CADPS: variants seen among roughly 807,000 people sequenced by gnomAD.
CADPS encodes the protein calcium-dependent secretion activator 1.
In CADPS, 57 loss-of-function variants were observed where a neutral mutation model predicts 167.3. The ratio of observed to expected loss-of-function variants is 0.34; its 90% confidence interval spans 0.28 to 0.42. CADPS has a LOEUF of 0.42. CADPS is among the 20% of genes least tolerant of loss of function. The probability of loss-of-function intolerance (pLI) is 1.00; values close to 1 mark genes in which losing one functional copy is unlikely to be tolerated. For missense variants in CADPS, 1,414 were observed against 1,738.1 expected (o/e 0.81, Z 3.32); for synonymous variants, 676 against 635.3 (o/e 1.06, Z -0.96).
At chr3:62,402,715 A>G (rs1450855988) in intron 29 of CADPS, among the ~76,000 whole-genome samples, 2 of 152,258 alleles carry the variant, frequency 1.3e-5, no homozygotes, top group Admixed American at 6.5e-5. Flanking sequence ...AATAGCGGCA[A>G]CATTTTATTT....
Position 62,481,850 on chromosome 3 carries a change from G to A in CADPS, c.3046C>T (p.Pro1016Ser), listed in dbSNP as rs2150845944. 1.2e-6 allele frequency: 2 copies of A among 1,610,996 alleles called. No homozygotes were observed. The highest frequency in any genetic ancestry group is 1.3e-5 in the African/African-American group (1 of 74,920). The change falls in exon 22 of 30, where the codon CCC becomes TCC. Residue 1016 changes from proline (P) to serine (S), a missense_variant. Physicochemically the swap from Pro to Ser is moderately conservative, Grantham distance 74. Transcript: ENST00000383710. ...EPVKSLTSNLPNVNLPNVNLP... is the reference protein window; with the variant it reads ...EPVKSLTSNLSNVNLPNVNLP... ...TTCACATTGGGTAGGTTCACATTGG[G>A]TAGGTTACTGGTTAAACTCCTGTGG...
At chr3:62,854,096 A>T (rs1182837206) in intron 1 of CADPS, among the ~76,000 whole-genome samples, 1 of 152,204 alleles carries the variant, frequency 6.6e-6, no homozygotes, top group East Asian at 1.9e-4. Context: ...GCCATTAAAA[A>T]ATATATATTT....
intron 1 of CADPS, among the ~76,000 whole-genome samples, chr3:62,823,364 C>T (rs1423346442): frequency 6.6e-6 from 1 of 152,176 alleles, no homozygotes; most frequent in Admixed American, 6.6e-5. Flanking sequence ...ATGAAACAAT[C>T]AGACTTGTAT....
intron 24 of CADPS, chr3:62,466,676 T>C: frequency 2.1e-6 from 1 of 469,984 alleles, no homozygotes; most frequent in Middle Eastern, 5.9e-4. Context: ...TAAACACTTT[T>C]ACAAATAGCA....
At chr3:62,794,429 A>G (rs2093219163) in intron 1 of CADPS, among the ~76,000 whole-genome samples, 1 of 152,206 alleles carries the variant, frequency 6.6e-6, no homozygotes, top group African/African-American at 2.4e-5. Flanking sequence ...TATACAGATG[A>G]GGATATAAAT....
chr3:62,537,580 A>G (rs2074936588), intron 11 of CADPS, among the ~76,000 whole-genome samples: 1 of 152,312 alleles, frequency 6.6e-6, no homozygotes, highest in Admixed American at 6.5e-5. Flanking sequence ...AAATCTAGCA[A>G]AAGATTTTAT....
chr3:62,484,871 G>A (rs1308365317), intron 21 of CADPS, among the ~76,000 whole-genome samples: 3 of 152,158 alleles, frequency 2.0e-5, no homozygotes, highest in Non-Finnish European at 4.4e-5. Flanking sequence ...TTATGAATCA[G>A]TTGTTGCATG....
chr3:62,612,805 C>T (rs570299658), intron 6 of CADPS, among the ~76,000 whole-genome samples: 20 of 152,274 alleles, frequency 1.3e-4, no homozygotes, highest in African/African-American at 4.8e-4. Flanking sequence ...CTCCTTTGTT[C>T]CCATTTGTTG....
In CADPS at chr3:62,579,816, A is replaced by T. The variant is rs865011; in HGVS notation, c.1577+5369T>A. On this transcript the variant is annotated intron_variant, in intron 8 of 29. Coordinates refer to ENST00000383710, the MANE Select transcript of CADPS (RefSeq NM_003716.4). Reference sequence around the variant, plus strand: ...TGGCAGGATCTGACTTGTGTTTTTTAAAAAAAATTGCTTCACAGTAGGAAA... The same window carrying T: ...TGGCAGGATCTGACTTGTGTTTTTTTAAAAAAATTGCTTCACAGTAGGAAA... 1.8e-3 allele frequency among the ~76,000 whole-genome samples: 95 copies of T among 54,282 alleles called. 2 individuals are homozygous for T. Among genetic ancestry groups the T allele is most frequent in the African/African-American group, 0.012 (73 of 5,912 alleles). The allele number at this position is 54,282 out of a possible 152,430, so 35.6% of individuals were successfully genotyped here. A position where few individuals can be genotyped will look rare whatever the true frequency, so the allele number is the denominator to read the frequency against.
Position 62,576,788 on chromosome 3 carries a change from T to TAAAAAAAA in CADPS, c.1578-5858_1578-5851dup, listed in dbSNP as rs138055445. Among the ~76,000 whole-genome samples the TAAAAAAAA allele has an allele frequency of 9.4e-4, 28 of 29,862 alleles. 2 individuals are homozygous for TAAAAAAAA. The highest frequency in any genetic ancestry group is 2.6e-3 in the African/African-American group (21 of 8,204). The allele number at this position is 29,862 out of a possible 152,430, so 19.6% of individuals were successfully genotyped here. A position where few individuals can be genotyped will look rare whatever the true frequency, so the allele number is the denominator to read the frequency against. On this transcript the variant is annotated intron_variant, in intron 8 of 29. Coordinates refer to ENST00000383710, the MANE Select transcript of CADPS (RefSeq NM_003716.4). ...CTGGGTGACAGAGCAAGACTCTGTC[T>TAAAAAAAA]AAAAAAAAAAAAAAAAAAAAAAAAA...
intron 3 of CADPS, among the ~76,000 whole-genome samples, chr3:62,732,255 T>C (rs1412519856): frequency 2.6e-5 from 4 of 152,070 alleles, no homozygotes; most frequent in Non-Finnish European, 5.9e-5. Flanking sequence ...AGTGATTAGG[T>C]TAGAAAAGCC....
chr3:62,634,203 C>G (rs2065832787), intron 6 of CADPS, among the ~76,000 whole-genome samples: 1 of 152,140 alleles, frequency 6.6e-6, no homozygotes. Context: ...ATGATATAGC[C>G]TCATCTTTAC....
At chr3:62,522,152 A>ATCTAT (rs1561607276) in intron 13 of CADPS, among the ~76,000 whole-genome samples, 3 of 137,086 alleles carry the variant, frequency 2.2e-5, no homozygotes, top group African/African-American at 5.4e-5. Flanking sequence ...TATCTATCTA[A>ATCTAT]CTATTGAGAC....
At chr3:62,436,560 G>C (rs1372107121) in intron 28 of CADPS, among the ~76,000 whole-genome samples, 1 of 152,186 alleles carries the variant, frequency 6.6e-6, no homozygotes, top group East Asian at 1.9e-4. Context: ...GGACATTCTA[G>C]GCTCAGTACT....
chr3:62,761,624 C>G (rs2085459501), intron 2 of CADPS, among the ~76,000 whole-genome samples: 2 of 151,716 alleles, frequency 1.3e-5, no homozygotes, highest in African/African-American at 4.8e-5. Context: ...GATGCCAGGA[C>G]CAGCATGTGA....
chr3:62,665,387 A>T (rs2074227171), intron 3 of CADPS, among the ~76,000 whole-genome samples: 1 of 152,162 alleles, frequency 6.6e-6, no homozygotes, highest in African/African-American at 2.4e-5. Flanking sequence ...CATTATCCCC[A>T]TTTGACGGAT....
At chr3:62,633,230 C>T (rs191884788) in intron 6 of CADPS, among the ~76,000 whole-genome samples, 1 of 152,274 alleles carries the variant, frequency 6.6e-6, no homozygotes, top group East Asian at 1.9e-4. Context: ...GAACCTGTCC[C>T]TCTCACTTGC....
At position 62,474,745 on chromosome 3, in the gene CADPS, C is replaced by T. The variant is rs142288403; in HGVS notation, c.3330-425G>A. ...AAGCAGTTTTTAATCTTCAAAACCT[C>T]GTGGTGGGGAAAAAAATCTTAAATG... On this transcript the variant is annotated intron_variant, in intron 23 of 29. Coordinates refer to ENST00000383710, the MANE Select transcript of CADPS (RefSeq NM_003716.4). Among the ~76,000 whole-genome samples, 310 of 152,240 alleles carry T rather than the reference C, an allele frequency of 2.0e-3. 12 individuals are homozygous for T. The highest frequency in any genetic ancestry group is 0.018 in the Admixed American group (278 of 15,284).
At chr3:62,851,698 GC>G (rs2078630678) in intron 1 of CADPS, among the ~76,000 whole-genome samples, 1 of 146,380 alleles carries the variant, frequency 6.8e-6, no homozygotes, top group South Asian at 2.3e-4. Context: ...CTCTCTGGCT[GC>G]CCTTAACATT....
Sources: allele counts gnomAD v4.1 joint callset (sites outside exome capture counted in the v4.1 genomes callset), GRCh38; gene constraint gnomAD v4.1.1; transcripts MANE v1.5; gene names NCBI Gene and HGNC (gene_info 2026-07-23, HGNC 2026-07-21).